Variants in ERC2 observed in about 807,000 individuals in gnomAD.
ERC2 encodes ELKS/RAB6-interacting/CAST family member 2, also known as ERC protein 2.
Under a neutral mutation model 114.8 loss-of-function variants are expected in ERC2, and 42 were observed. The observed-to-expected ratio is 0.37, with a 90% confidence interval of 0.29 to 0.47. The LOEUF (loss-of-function observed/expected upper bound fraction) is 0.47. Among genes scored for constraint, ERC2 ranks in the 20% least tolerant of loss-of-function variants. The pLI is 0.99. For missense variants in ERC2, 939 were observed against 1,150.7 expected (o/e 0.82, Z 2.66); for synonymous variants, 454 against 425.5 (o/e 1.07, Z -0.82).
chr3:56,138,169 C>G (rs1035751920), intron 6 of ERC2, among the ~76,000 whole-genome samples: 5 of 148,896 alleles, frequency 3.4e-5, no homozygotes, highest in African/African-American at 1.2e-4. Context: ...ATGCCATTCT[C>G]CTATCTCAGC....
chr3:56,318,067 A>G (rs2150413539), intron 2 of ERC2, among the ~76,000 whole-genome samples: 1 of 152,334 alleles, frequency 6.6e-6, no homozygotes, highest in Non-Finnish European at 1.5e-5. Flanking sequence ...TGCCTGGCAC[A>G]TAGGAGTGTT....
chr3:55,655,368 G>C (rs2060813005), intron 17 of ERC2, among the ~76,000 whole-genome samples: 1 of 152,156 alleles, frequency 6.6e-6, no homozygotes, highest in African/African-American at 2.4e-5. Context: ...TTTCTGCCCA[G>C]CCCTTAGATT....
At chr3:55,685,909 C>T (rs1044138723) in intron 16 of ERC2, among the ~76,000 whole-genome samples, 1 of 152,112 alleles carries the variant, frequency 6.6e-6, no homozygotes, top group Non-Finnish European at 1.5e-5. Flanking sequence ...CATTTTGTTC[C>T]AAATCCATTC....
intron 5 of ERC2, among the ~76,000 whole-genome samples, chr3:56,144,870 T>G (rs898488286): frequency 6.6e-6 from 1 of 152,156 alleles, no homozygotes; most frequent in Admixed American, 6.6e-5. Flanking sequence ...TATTCTCCCA[T>G]AAAAATATCC....
At chr3:55,961,474 A>T (rs1288184092) in intron 12 of ERC2, among the ~76,000 whole-genome samples, 1 of 151,828 alleles carries the variant, frequency 6.6e-6, no homozygotes, top group Non-Finnish European at 1.5e-5. Flanking sequence ...AACTCACCAC[A>T]CTTCTGCTCC....
At chr3:55,848,496 G>T (rs2061452855) in intron 14 of ERC2, among the ~76,000 whole-genome samples, 1 of 152,086 alleles carries the variant, frequency 6.6e-6, no homozygotes. Flanking sequence ...TTTCCCTGTG[G>T]CTCCAAATTC....
intron 7 of ERC2, among the ~76,000 whole-genome samples, chr3:56,046,816 AAG>A (rs2075487101): frequency 6.6e-6 from 1 of 152,198 alleles, no homozygotes; most frequent in African/African-American, 2.4e-5. Context: ...TGAAATAGTT[AAG>A]AAACCCTTTC....
At chr3:55,581,522 G>A (rs1374458480) in intron 17 of ERC2, among the ~76,000 whole-genome samples, 3 of 152,060 alleles carry the variant, frequency 2.0e-5, no homozygotes, top group Non-Finnish European at 4.4e-5. Context: ...TTTATGGAGA[G>A]GGAATTCACC....
At chr3:56,186,169 T>C (rs2083600753) in intron 3 of ERC2, among the ~76,000 whole-genome samples, 2 of 143,948 alleles carry the variant, frequency 1.4e-5, no homozygotes, top group Non-Finnish European at 1.5e-5. Context: ...TGATACTTAA[T>C]TTTGACCTTG....
chr3:56,018,713 CCT>C (rs1281990554), intron 8 of ERC2, among the ~76,000 whole-genome samples, 179 bp downstream of exon 8: 1 of 152,058 alleles, frequency 6.6e-6, no homozygotes, highest in African/African-American at 2.4e-5. Context: ...AGAAAATGCC[CCT>C]GACTGTAGTA....
chr3:56,435,364 C>T (rs989190693), intron 1 of ERC2, among the ~76,000 whole-genome samples: 2 of 152,126 alleles, frequency 1.3e-5, no homozygotes, highest in Non-Finnish European at 2.9e-5. Context: ...ATTCCCCCCA[C>T]CCTGCCCCTA....
intron 15 of ERC2, among the ~76,000 whole-genome samples, chr3:55,721,955 A>C (rs1235627441): frequency 6.6e-6 from 1 of 152,196 alleles, no homozygotes; most frequent in Non-Finnish European, 1.5e-5. Context: ...AAGAGGAAAT[A>C]AGCCAGCTGC....
intron 17 of ERC2, among the ~76,000 whole-genome samples, chr3:55,592,799 C>T (rs1445307154): frequency 8.5e-5 from 13 of 152,130 alleles, no homozygotes; most frequent in Admixed American, 7.9e-4. Context: ...GCAGAAAGCC[C>T]CCACGCAGAT....
chr3:56,296,952 G>A (rs2055485438), intron 2 of ERC2, among the ~76,000 whole-genome samples: 1 of 152,060 alleles, frequency 6.6e-6, no homozygotes, highest in South Asian at 2.1e-4. Flanking sequence ...CTGTGAACAG[G>A]TTTAGTAAAC....
chr3:55,802,059 CAG>C (rs1218941819), intron 14 of ERC2, among the ~76,000 whole-genome samples: 1 of 152,206 alleles, frequency 6.6e-6, no homozygotes, highest in Admixed American at 6.5e-5. Context: ...AAGAAAACCT[CAG>C]AATAAAATGA....
intron 17 of ERC2, chr3:55,657,711 T>C (rs1489552186): frequency 3.3e-5 from 5 of 152,194 alleles, no homozygotes; most frequent in African/African-American, 9.7e-5. Flanking sequence ...CCTCCCACCT[T>C]GGCCTCGCAA....
intron 2 of ERC2, among the ~76,000 whole-genome samples, chr3:56,412,085 G>C (rs929076973): frequency 6.6e-6 from 1 of 152,230 alleles, no homozygotes; most frequent in African/African-American, 2.4e-5. Flanking sequence ...CCTAAGTCCA[G>C]TGATGGGTGT....
chr3:56,106,094 C>T (rs887978288), intron 6 of ERC2, among the ~76,000 whole-genome samples: 1 of 152,260 alleles, frequency 6.6e-6, no homozygotes, highest in South Asian at 2.1e-4. Context: ...TATGAAGATC[C>T]AAACTGTATA....
chr3:55,836,039 C>T (rs938899093), intron 14 of ERC2, among the ~76,000 whole-genome samples: 2 of 150,814 alleles, frequency 1.3e-5, no homozygotes, highest in Non-Finnish European at 2.9e-5. Flanking sequence ...AGGACTCCAA[C>T]TTACAAGGGA....
Sources: gnomAD v4.1 joint callset for allele counts (sites outside exome capture counted in the v4.1 genomes callset) on GRCh38, gnomAD v4.1.1 for gene constraint, MANE v1.5 for transcripts, NCBI Gene and HGNC (gene_info 2026-07-23, HGNC 2026-07-21) for gene names.